The following NXPE2 variants were observed in gnomAD, a reference collection of about 807,000 sequenced individuals.
NXPE2 encodes neurexophilin and PC-esterase domain family member 2.
NXPE2 carries 34 observed loss-of-function variants against 34.4 expected under a neutral mutation model. The observed-to-expected ratio is 0.99, with a 90% CI of 0.75 to 1.31. The LOEUF (loss-of-function observed/expected upper bound fraction) is 1.31, where lower values mean the gene tolerates loss of function less well. Among genes scored for constraint, NXPE2 ranks in the 40% most tolerant of loss-of-function variants. NXPE2 has a pLI of 0.00. For synonymous variants in NXPE2, 235 were observed against 231.3 expected (o/e 1.02, Z -0.15); for missense variants, 649 against 672.5 (o/e 0.97, Z 0.39).
At chr11:114,545,197 G>T in the NXPE2 span, among the ~76,000 whole-genome samples, 1 of 152,116 alleles carries the variant, frequency 6.6e-6, no homozygotes, top group African/African-American at 2.4e-5. Flanking sequence ...ATTCAATATA[G>T]CAGTTTTTCT....
At chr11:114,751,806 C>T in the NXPE2 span, among the ~76,000 whole-genome samples, 4 of 152,108 alleles carry the variant, frequency 2.6e-5, no homozygotes, top group South Asian at 2.1e-4. Flanking sequence ...CTAAATTATC[C>T]AGGCAGGCCC....
chr11:114,537,960 C>T, the NXPE2 span, among the ~76,000 whole-genome samples: 1 of 151,956 alleles, frequency 6.6e-6, no homozygotes, highest in African/African-American at 2.4e-5. Flanking sequence ...CCAAAAAGCC[C>T]ACATTGCCAA....
chr11:114,609,709 C>G, the NXPE2 span, among the ~76,000 whole-genome samples: 5 of 150,834 alleles, frequency 3.3e-5, no homozygotes, highest in Non-Finnish European at 7.4e-5. Flanking sequence ...CACTGTTACC[C>G]GGTGGATAAT....
chr11:114,737,261 T>G, the NXPE2 span, among the ~76,000 whole-genome samples: 1 of 152,172 alleles, frequency 6.6e-6, no homozygotes, highest in Admixed American at 6.5e-5. Context: ...CAATCCCATT[T>G]CTACTGACAT....
At chr11:114,733,243 A>G in the NXPE2 span, among the ~76,000 whole-genome samples, 14,125 of 151,984 alleles carry the variant, frequency 0.093, 808 homozygotes, top group Middle Eastern at 0.19. Context: ...ACAGGCGCCC[A>G]CCAACACGCC....
the NXPE2 span, among the ~76,000 whole-genome samples, chr11:114,791,871 C>T: frequency 1.1e-4 from 17 of 152,146 alleles, no homozygotes; most frequent in South Asian, 2.1e-4. Flanking sequence ...CTGGCTAACA[C>T]GGTGAAACCC....
At chr11:114,466,056 G>A in the NXPE2 span, among the ~76,000 whole-genome samples, 24 of 152,064 alleles carry the variant, frequency 1.6e-4, no homozygotes, top group East Asian at 1.2e-3. Context: ...GTTTTCAGGC[G>A]TATAGGATTG....
the NXPE2 span, among the ~76,000 whole-genome samples, chr11:114,615,130 A>G: frequency 6.6e-6 from 1 of 151,956 alleles, no homozygotes; most frequent in Non-Finnish European, 1.5e-5. Flanking sequence ...CAGGTGCATA[A>G]TAAGTGTTAC....
chr11:114,646,877 AGGAACTTGATAG>A, the NXPE2 span, among the ~76,000 whole-genome samples: 1 of 152,222 alleles, frequency 6.6e-6, no homozygotes, highest in Non-Finnish European at 1.5e-5. Flanking sequence ...AACAGAGCAA[AGGAACTTGATAG>A]AAGCAAGGCA....
chr11:114,679,526 T>C, intron 1 of NXPE2, 131 bp from the exon 2 acceptor site: 3 of 528,910 alleles, frequency 5.7e-6, no homozygotes, highest in Non-Finnish European at 1.0e-5. Context: ...ATAGAAGATA[T>C]AAAGGAACTT....
the NXPE2 span, among the ~76,000 whole-genome samples, chr11:114,653,467 C>A: frequency 6.6e-6 from 1 of 151,906 alleles, no homozygotes; most frequent in African/African-American, 2.4e-5. Context: ...AATATTTAAC[C>A]CTTGGGTGCT....
chr11:114,662,846 G>A, the NXPE2 span, among the ~76,000 whole-genome samples: 4 of 152,160 alleles, frequency 2.6e-5, no homozygotes. Context: ...CCTGGCAACA[G>A]TTATCACCTG....
the NXPE2 span, among the ~76,000 whole-genome samples, chr11:114,474,456 G>A: frequency 6.6e-6 from 1 of 152,196 alleles, no homozygotes; most frequent in Admixed American, 6.5e-5. Flanking sequence ...GAGGAAACCA[G>A]GGGAGGGTGG....
the NXPE2 span, among the ~76,000 whole-genome samples, chr11:114,651,501 G>C: frequency 2.6e-5 from 4 of 152,186 alleles, no homozygotes; most frequent in African/African-American, 9.7e-5. Flanking sequence ...AAGAGCAAAA[G>C]AACAAACCTG....
the NXPE2 span, among the ~76,000 whole-genome samples, chr11:114,720,515 G>T: frequency 5.9e-5 from 9 of 152,224 alleles, no homozygotes; most frequent in African/African-American, 2.2e-4. Context: ...GTCAAAAGCT[G>T]CAGTGTCCAA....
chr11:114,705,642 T>C, intron 4 of NXPE2, 139 bp from the exon 5 acceptor site: 1 of 525,530 alleles, frequency 1.9e-6, no homozygotes, highest in Non-Finnish European at 3.4e-6. Flanking sequence ...AATAAATATT[T>C]GTGGAAGAGA....
At chr11:114,676,601 G>A (rs1007979747), upstream of NXPE2, among the ~76,000 whole-genome samples, 3 of 151,886 alleles carry the variant, frequency 2.0e-5, no homozygotes, top group South Asian at 2.1e-4. Context: ...TCAAAAAGAC[G>A]AAAGATAAGT....
At chr11:114,811,066 T>G in the NXPE2 span, among the ~76,000 whole-genome samples, 1 of 151,614 alleles carries the variant, frequency 6.6e-6, no homozygotes, top group Admixed American at 6.6e-5. Flanking sequence ...ACCATCATTC[T>G]CAGCAAACTA....
chr11:114,605,609 C>A, the NXPE2 span, among the ~76,000 whole-genome samples: 3 of 150,040 alleles, frequency 2.0e-5, no homozygotes, highest in African/African-American at 4.9e-5. Flanking sequence ...CACTGTTACC[C>A]GGTGGATAAT....
Sources: allele counts gnomAD v4.1 joint callset (sites outside exome capture counted in the v4.1 genomes callset), GRCh38; gene constraint gnomAD v4.1.1; transcripts MANE v1.5; gene names NCBI Gene and HGNC (gene_info 2026-07-23, HGNC 2026-07-21).